NSMF: variants seen among roughly 807,000 people sequenced by gnomAD.
The protein encoded by NSMF is nasal embryonic LHRH factor.
NSMF carries 31 observed loss-of-function variants against 71.0 expected under a neutral mutation model. The observed-to-expected ratio is 0.44, with a 90% confidence interval of 0.33 to 0.59. The LOEUF (loss-of-function observed/expected upper bound fraction) is 0.59. NSMF is among the 20% of genes least tolerant of loss of function. NSMF has a pLI of 0.04. For missense variants in NSMF, 673 were observed against 740.5 expected (o/e 0.91, Z 1.06); for synonymous variants, 345 against 287.1 (o/e 1.20, Z -2.04).
At chr9:137,454,599 A>G in intron 6 of NSMF, 156 bp from the exon 7 acceptor site, 1 of 1,545,168 alleles carries the variant, frequency 6.5e-7, no homozygotes, top group Non-Finnish European at 8.7e-7. Context: ...ACCCAAAGGC[A>G]AATCCCACCC....
At chr9:137,456,204 GT>G (rs1564266699) in intron 4 of NSMF, among the ~76,000 whole-genome samples, 4 of 147,772 alleles carry the variant, frequency 2.7e-5, no homozygotes, top group African/African-American at 1.0e-4. Flanking sequence ...GACTGTGTGT[GT>G]GTGGGGGGGG....
At chr9:137,454,272 T>G (rs1361371588) in intron 7 of NSMF, 119 bp downstream of exon 7, 1 of 998,790 alleles carries the variant, frequency 1.0e-6, no homozygotes, top group Non-Finnish European at 1.5e-6. Context: ...GGGAGGAGCC[T>G]GAGGCAGGGC....
In NSMF at chr9:137,449,646, G is replaced by A; in HGVS notation, c.1448C>T (p.Thr483Ile). 3 of 1,612,732 alleles carry A rather than the reference G, an allele frequency of 1.9e-6. No homozygotes were observed. The highest frequency in any genetic ancestry group is 2.5e-6 in the Non-Finnish European group (3 of 1,179,758). ...KLFQNLRTLM[T>I]PYRVTFESPL... ...TGACTCGAAGGTGACCCTATAAGGA[G>A]TCATGAGGGTCCTGAGGTTCTGGAA... The change falls in exon 15 of 16, where the codon ACT (threonine) becomes ATT (isoleucine). Residue 483 changes from threonine (T) to isoleucine (I), a missense_variant. Transcript: ENST00000371475.
At chr9:137,458,629 G>T (rs1038266302) in intron 1 of NSMF, 80 bp from the exon 2 acceptor site, 1 of 1,359,966 alleles carries the variant, frequency 7.4e-7, no homozygotes. Context: ...CCGGGGGTCC[G>T]GTCCCCAGCC....
In NSMF at chr9:137,455,646, G is replaced by A; in HGVS notation, c.705-12C>T. The A allele has an allele frequency of 1.9e-6, 3 of 1,550,384 alleles. No homozygotes were observed. The highest frequency in any genetic ancestry group is 2.6e-6 in the Non-Finnish European group (3 of 1,146,892). ...GTACTTACGAGATGCTGAAGCCAGG[G>A]CCAGAAGGGATGGCGTGAGAGAGAA... On this transcript the variant is annotated splice_polypyrimidine_tract_variant and intron_variant, in intron 4 of 15. Coordinates refer to ENST00000371475, the MANE Select transcript of NSMF (RefSeq NM_001130969.3).
Position 137,453,996 on chromosome 9 carries a change from G to A in NSMF, c.833-176C>T, listed in dbSNP as rs948597566. ...CTCGGTTGGTTCAGGGGCAGGATCT[G>A]AGAACACTGGGGCAGGGCCAGAGGC... On this transcript the variant is annotated intron_variant, in intron 7 of 15. Coordinates refer to ENST00000371475, the MANE Select transcript of NSMF (RefSeq NM_001130969.3). This position sits in a 1 kb window ranked among gnomAD's most constrained non-coding sequence, Gnocchi z 4.5. 1.3e-5 allele frequency among the ~76,000 whole-genome samples: 2 copies of A among 151,892 alleles called. No individual in the cohort carries two copies. The highest frequency in any genetic ancestry group is 4.8e-5 in the African/African-American group (2 of 41,320).
chr9:137,453,922 G>A lies in NSMF; in HGVS notation c.833-102C>T. The A allele has an allele frequency of 1.0e-6, 1 of 968,574 alleles. No homozygotes were observed. The highest frequency in any genetic ancestry group is 1.6e-6 in the Non-Finnish European group (1 of 637,442). 60.0% of individuals were successfully genotyped at this position (968,574 alleles called of 1,614,324 possible). A position where few individuals can be genotyped will look rare whatever the true frequency, so the allele number is the denominator to read the frequency against. On this transcript the variant is annotated intron_variant, in intron 7 of 15. Transcript: ENST00000371475. This position sits in a 1 kb window ranked among gnomAD's most constrained non-coding sequence, Gnocchi z 4.5. ...ACAGGGGCCCTGGGCAGAGGAGGAA[G>A]CTAATGTGGGTGGGGTCTAAGGCAC...
Position 137,458,543 on chromosome 9 carries a change from G to A in NSMF, c.78C>T (p.Ala26=). The A allele has an allele frequency of 6.3e-7, 1 of 1,596,786 alleles. No homozygotes were observed. The highest frequency in any genetic ancestry group is 8.5e-7 in the Non-Finnish European group (1 of 1,173,554). The change falls in exon 2 of 16, where the codon GCC becomes GCT. Residue 26 remains alanine, a synonymous_variant. Coordinates refer to ENST00000371475, the MANE Select transcript of NSMF (RefSeq NM_001130969.3). ...MSSVAAKVRA[A]RAFGEYLSQS... Reference sequence around the variant, plus strand: ...GGGACAGGTACTCTCCAAACGCTCGGGCTGCTCTGAGGGTGGACAGAGGGC... The same window carrying A: ...GGGACAGGTACTCTCCAAACGCTCGAGCTGCTCTGAGGGTGGACAGAGGGC...
In NSMF at chr9:137,459,148, G is replaced by A; in HGVS notation, c.-46C>T. ...CCCCGGGCCTCAGAGCGCGCCCCGC[G>A]CCCGCCGCCTCCGCCGGGGTAGCCG... On this transcript the variant is annotated 5_prime_UTR_variant, in exon 1 of 16. Transcript: ENST00000371475. The A allele has an allele frequency of 9.6e-7, 1 of 1,038,908 alleles. No individual in the cohort carries two copies. Among genetic ancestry groups the A allele is most frequent in the Non-Finnish European group, 1.2e-6 (1 of 864,678 alleles). The allele number at this position is 1,038,908 out of a possible 1,614,324, so 64.4% of individuals were successfully genotyped here. A position where few individuals can be genotyped will look rare whatever the true frequency, so the allele number is the denominator to read the frequency against.
At chr9:137,454,616 C>T (rs1481632958) in intron 6 of NSMF, 173 bp from the exon 7 acceptor site, 1 of 1,541,384 alleles carries the variant, frequency 6.5e-7, no homozygotes, top group East Asian at 2.4e-5. Context: ...ACCCAGTGCT[C>T]TTCCCGCGAC....
chr9:137,457,179 A>G (rs552644091), intron 3 of NSMF, among the ~76,000 whole-genome samples: 1 of 152,256 alleles, frequency 6.6e-6, no homozygotes, highest in Non-Finnish European at 1.5e-5. Flanking sequence ...AGCAGGGCGA[A>G]AGCGGACTGT....
rs199835695 is a variant in NSMF, at chr9:137,449,504, G to C, written c.1496-13C>G. 6.2e-7 allele frequency: 1 copy of C among 1,612,600 alleles called. No homozygotes were observed. Among genetic ancestry groups the C allele is most frequent in the East Asian group, 2.2e-5 (1 of 44,868 alleles). On this transcript the variant is annotated splice_polypyrimidine_tract_variant and intron_variant, in intron 15 of 15. Transcript: ENST00000371475. ...ATCATCTGCTTCCCTGGGCGGAGCG[G>C]GGGCAGGAGGCTCAGGCCTGGCCGG... is the stretch of plus-strand genomic sequence containing the variant.
Position 137,453,229 on chromosome 9 carries a change from ATCC to A in NSMF, c.923-52_923-50del. On this transcript the variant is annotated intron_variant, in intron 8 of 15. Transcript: ENST00000371475. The surrounding 1 kb of genome is among the most constrained non-coding windows in gnomAD (Gnocchi z 4.5). ...GACAGCAGGCCCGGCAGCACCTCCT[ATCC>A]TGGCCATGGCCCCAAGGCCCACAGG... 1 of 1,608,278 alleles carries A rather than the reference ATCC, an allele frequency of 6.2e-7. No individual in the cohort carries two copies. The highest frequency in any genetic ancestry group is 1.3e-5 in the African/African-American group (1 of 74,994).
chr9:137,452,355 T>C lies in NSMF; in HGVS notation c.1236+10A>G. 1.3e-6 allele frequency: 2 copies of C among 1,589,546 alleles called. No individual in the cohort carries two copies. The highest frequency in any genetic ancestry group is 1.7e-5 in the Admixed American group (1 of 58,654). On this transcript the variant is annotated intron_variant, in intron 12 of 15. Transcript: ENST00000371475. Reference sequence around the variant, plus strand: ...CTTCTCCTGGTCAGGAGACGAGCACTGAGCCCCACCTGGCAGAAAATCAGC... The same window carrying C: ...CTTCTCCTGGTCAGGAGACGAGCACCGAGCCCCACCTGGCAGAAAATCAGC...
Position 137,452,371 on chromosome 9 carries a change from G to A in NSMF, c.1230C>T (p.Phe410=), listed in dbSNP as rs1830579343. 1.2e-6 allele frequency: 2 copies of A among 1,611,666 alleles called. No individual in the cohort carries two copies. Among genetic ancestry groups the A allele is most frequent in the African/African-American group, 1.3e-5 (1 of 74,512 alleles). Residue 410 remains phenylalanine, a synonymous_variant, in exon 12 of 16, where the codon TTC becomes TTT. Transcript: ENST00000371475. ...GACGAGCACTGAGCCCCACCTGGCA[G>A]AAAATCAGCATTTTCCAGATCTTGG... The part of the protein sequence containing the change: ...KGAKIWKMLI[F]CQGGPGHLYL...
In NSMF at chr9:137,453,405, C is replaced by A. The variant is rs547737265; in HGVS notation, c.923-225G>T. On this transcript the variant is annotated intron_variant, in intron 8 of 15. Transcript: ENST00000371475. The surrounding 1 kb of genome is among the most constrained non-coding windows in gnomAD (Gnocchi z 4.5). ...ACCCTGGTGCGAGGCCGGTGGAAGG[C>A]GCGTGCAGGCATCAGCTCCAGCCAA... 56 of 639,046 alleles carry A rather than the reference C, an allele frequency of 8.8e-5. No homozygotes were observed. Among genetic ancestry groups the A allele is most frequent in the South Asian group, 6.5e-4 (34 of 52,118 alleles). 39.6% of individuals were successfully genotyped at this position (639,046 alleles called of 1,614,324 possible).
intron 1 of NSMF, 129 bp from the exon 2 acceptor site, chr9:137,458,678 C>T: frequency 1.1e-6 from 1 of 901,090 alleles, no homozygotes. Context: ...GGGTCGTCCC[C>T]CTCCGGGAGC....
intron 14 of NSMF, 24 bp from the exon 15 acceptor site, chr9:137,449,698 G>T: frequency 6.2e-7 from 1 of 1,600,774 alleles, no homozygotes; most frequent in Non-Finnish European, 8.5e-7. Flanking sequence ...GGTGCCATGA[G>T]TCCGAGGCAG....
Position 137,447,878 on chromosome 9 carries a change from A to G in NSMF, c.*1516T>C, listed in dbSNP as rs1254031839. On this transcript the variant is annotated 3_prime_UTR_variant, in exon 16 of 16. Transcript: ENST00000371475. ...ACCTGAGGTTGAGAGAGTGGCCCCC[A>G]TCTGTGGCCACACTGCTGACTGCAC... The G allele has an allele frequency of 1.3e-5, 2 of 151,810 alleles. No homozygotes were observed. The highest frequency in any genetic ancestry group is 2.9e-5 in the Non-Finnish European group (2 of 67,928). The allele number at this position is 151,810 out of a possible 1,614,324, so 9.4% of individuals were successfully genotyped here. A position where few individuals can be genotyped will look rare whatever the true frequency, so the allele number is the denominator to read the frequency against.
Sources: gnomAD v4.1 joint callset for allele counts (sites outside exome capture counted in the v4.1 genomes callset) on GRCh38, gnomAD v4.1.1 for gene constraint, Gnocchi (gnomAD v3.1) non-coding constraint, MANE v1.5 for transcripts, NCBI Gene and HGNC (gene_info 2026-07-23, HGNC 2026-07-21) for gene names.